Variants in BPIFB4 observed in about 807,000 individuals in gnomAD.
BPIFB4 encodes BPI fold-containing family B member 4.
A neutral mutation model predicts 69.2 loss-of-function variants in BPIFB4; 62 were observed. That is an observed-to-expected ratio of 0.90 (90% CI 0.73 to 1.11). The LOEUF is 1.11. Among genes scored for constraint, BPIFB4 ranks in the 50% least tolerant of loss-of-function variants. The pLI is 0.00. For synonymous variants in BPIFB4, 330 were observed against 332.7 expected, an observed-to-expected ratio of 0.99 and a Z score of 0.09; for missense variants, 789 against 792.0, an observed-to-expected ratio of 1.00 and a Z score of 0.04.
rs1569000841 is a variant in BPIFB4 at position 33,086,063 on chromosome 20, A to G, written c.825A>G (p.Thr275=). 1 of 1,613,140 alleles carries G rather than the reference A, an allele frequency of 6.2e-7. No homozygotes were observed. The change falls in exon 7 of 18, where the codon ACA becomes ACG. Residue 275 remains threonine, a synonymous_variant. Transcript: ENST00000375483. Reference sequence around the variant, plus strand: ...ACATCGCAGTAGAAGTGAACATCACAGCCAAGGTCCGGCTGACCATGGACC... The same window carrying G: ...ACATCGCAGTAGAAGTGAACATCACGGCCAAGGTCCGGCTGACCATGGACC... ...FLDIAVEVNI[T]AKVRLTMDRT...
chr20:33,107,523 C>A (rs936709940), intron 16 of BPIFB4, among the ~76,000 whole-genome samples: 6 of 152,090 alleles, frequency 3.9e-5, no homozygotes, highest in Non-Finnish European at 1.5e-5. Flanking sequence ...ATAATCCCAG[C>A]TACTTGGGAG....
intron 13 of BPIFB4, 71 bp from the exon 14 acceptor site, chr20:33,100,355 C>A (rs1981873069): frequency 3.7e-6 from 5 of 1,349,690 alleles, no homozygotes; most frequent in South Asian, 3.7e-5. Flanking sequence ...ACTGGGCACA[C>A]AATGAGCCTT....
At chr20:33,090,136 T>C (rs1981556083) in intron 9 of BPIFB4, among the ~76,000 whole-genome samples, 1 of 152,190 alleles carries the variant, frequency 6.6e-6, no homozygotes. Context: ...TACAGTGCAA[T>C]GGCAGTGCCT....
At chr20:33,106,376 CTT>C (rs71190890) in intron 16 of BPIFB4, among the ~76,000 whole-genome samples, 6 of 133,006 alleles carry the variant, frequency 4.5e-5, no homozygotes, top group Non-Finnish European at 3.2e-5. Flanking sequence ...TCTTTTCTTT[CTT>C]TTTTTTTTTT....
intron 7 of BPIFB4, 50 bp from the exon 8 acceptor site, chr20:33,088,916 A>G (rs1239554604): frequency 6.2e-7 from 1 of 1,611,856 alleles, no homozygotes; most frequent in Non-Finnish European, 8.5e-7. Context: ...AGCCTTGGTG[A>G]GCCCCACATG....
chr20:33,083,446 T>A lies in BPIFB4; in HGVS notation c.249T>A (p.Gly83=). ...PVYTNGKKLD[G]IYQYGHIETN... Reference sequence around the variant, plus strand: ...ATACCAACGGCAAAAAACTTGATGGTATTTACCAGTATGGTCACATTGAGA... The same window carrying A: ...ATACCAACGGCAAAAAACTTGATGGAATTTACCAGTATGGTCACATTGAGA... Residue 83 remains glycine (G), a synonymous_variant, in exon 5 of 18, where the codon GGT becomes GGA. Coordinates refer to ENST00000375483, the MANE Select transcript of BPIFB4 (RefSeq NM_182519.3). 6.2e-7 allele frequency: 1 copy of A among 1,613,568 alleles called. No homozygotes were observed. Among genetic ancestry groups the A allele is most frequent in the Non-Finnish European group, 8.5e-7 (1 of 1,179,856 alleles).
intron 7 of BPIFB4, 45 bp downstream of exon 7, chr20:33,086,209 G>A (rs760953021): frequency 6.3e-7 from 1 of 1,586,976 alleles, no homozygotes; most frequent in East Asian, 2.3e-5. Context: ...TTGCTGGAAT[G>A]GTCTGTCTTT....
intron 3 of BPIFB4, among the ~76,000 whole-genome samples, chr20:33,082,163 A>G (rs113865338): frequency 6.6e-6 from 1 of 152,232 alleles, no homozygotes; most frequent in African/African-American, 2.4e-5. Flanking sequence ...TTTCTCCCTC[A>G]ACACCCATCC....
intron 15 of BPIFB4, 135 bp downstream of exon 15, chr20:33,103,149 A>G (rs893580623): frequency 3.3e-5 from 32 of 962,080 alleles, no homozygotes; most frequent in Admixed American, 1.6e-4. Context: ...CGTCAACACT[A>G]TCAGCCCTCA....
intron 15 of BPIFB4, 99 bp from the exon 16 acceptor site, chr20:33,104,711 G>A (rs1981995019): frequency 8.8e-7 from 1 of 1,133,598 alleles, no homozygotes; most frequent in African/African-American, 1.5e-5. Flanking sequence ...CCCAGAGCAG[G>A]TCTGTGTCTC....
chr20:33,092,338 C>A, intron 10 of BPIFB4, 120 bp from the exon 11 acceptor site: 1 of 795,280 alleles, frequency 1.3e-6, no homozygotes, highest in Non-Finnish European at 2.0e-6. Flanking sequence ...GCCACTCAGA[C>A]TCAGTGGGTT....
At chr20:33,109,176 C>T (rs547120457) in intron 17 of BPIFB4, among the ~76,000 whole-genome samples, 46 of 152,246 alleles carry the variant, frequency 3.0e-4, no homozygotes, top group African/African-American at 1.1e-3. Context: ...ATAATGGCCA[C>T]CTCATACAGT....
chr20:33,091,496 T>G (rs2146407780), intron 10 of BPIFB4, among the ~76,000 whole-genome samples: 1 of 152,372 alleles, frequency 6.6e-6, no homozygotes, highest in South Asian at 2.1e-4. Context: ...CTAGGCTTCA[T>G]GAACACAGAT....
chr20:33,082,902 G>T (rs1981277168), intron 3 of BPIFB4, 36 bp from the exon 4 acceptor site: 2 of 1,590,542 alleles, frequency 1.3e-6, no homozygotes, highest in Admixed American at 1.7e-5. Flanking sequence ...GGAAAAAAGG[G>T]AGGAACCCTG....
intron 8 of BPIFB4, 116 bp from the exon 9 acceptor site, chr20:33,089,382 C>G: frequency 1.3e-6 from 2 of 1,512,556 alleles, no homozygotes; most frequent in Non-Finnish European, 1.8e-6. Context: ...GAGGAGAGTG[C>G]CTGGCACAGA....
In BPIFB4 at chr20:33,083,872, G is replaced by A. The variant is rs779617450; in HGVS notation, c.675G>A (p.Thr225=). Residue 225 remains threonine, a splice_region_variant and synonymous_variant, in exon 5 of 18, where the codon ACG becomes ACA. Transcript: ENST00000375483. ...GGILSTVQGI[T]GLRIVELTLP... is the part of the protein sequence containing the mutation. ...TCCTCAGCACTGTGCAAGGCATCAC[G>A]GGGTAAGGAGGGGACGGGTTCTCCC... is the stretch of plus-strand genomic sequence containing the variant. 27 of 1,599,816 alleles carry A rather than the reference G, an allele frequency of 1.7e-5. No homozygotes were observed. Among genetic ancestry groups the A allele is most frequent in the South Asian group, 1.0e-4 (9 of 90,444 alleles).
At chr20:33,094,670 C>G (rs1981706739) in intron 11 of BPIFB4, among the ~76,000 whole-genome samples, 1 of 152,056 alleles carries the variant, frequency 6.6e-6, no homozygotes, top group Non-Finnish European at 1.5e-5. Context: ...TCATGCCCGG[C>G]TAATTTTTGT....
intron 12 of BPIFB4, among the ~76,000 whole-genome samples, chr20:33,095,826 TA>T (rs1014803260): frequency 9.2e-5 from 14 of 151,926 alleles, no homozygotes; most frequent in African/African-American, 1.9e-4. Context: ...CTTCTTTTTT[TA>T]AAAAAAAGCA....
At chr20:33,087,186 A>G (rs184102395) in intron 7 of BPIFB4, among the ~76,000 whole-genome samples, 307 of 152,310 alleles carry the variant, frequency 2.0e-3, no homozygotes, top group Admixed American at 0.019. Flanking sequence ...GGAAATAGAT[A>G]TTTGGTATTG....
Sources: gnomAD v4.1 joint callset for allele counts (sites outside exome capture counted in the v4.1 genomes callset) on GRCh38, gnomAD v4.1.1 for gene constraint, MANE v1.5 for transcripts, NCBI Gene and HGNC (gene_info 2026-07-23, HGNC 2026-07-21) for gene names.